The following KALRN variants were observed in gnomAD, a reference collection of about 807,000 sequenced individuals.
The protein encoded by KALRN is kalirin RhoGEF kinase, also known as kalirin.
Under a neutral mutation model 353.7 loss-of-function variants are expected in KALRN, and 70 were observed. The ratio of observed to expected loss-of-function variants is 0.20; its 90% confidence interval spans 0.16 to 0.24. The LOEUF (loss-of-function observed/expected upper bound fraction) is 0.24, where lower values mean the gene tolerates loss of function less well. Ranked by LOEUF, KALRN falls within the 10% of genes least tolerant of loss-of-function variation. The pLI, the probability that KALRN is intolerant of heterozygous loss-of-function variation, is 1.00. For synonymous variants in KALRN, 1,391 were observed against 1,434.8 expected (o/e 0.97, Z 0.69); for missense variants, 2,791 against 3,756.7 (o/e 0.74, Z 6.72).
chr3:124,587,892 A>T (rs1040349007), intron 34 of KALRN, among the ~76,000 whole-genome samples: 1 of 134,716 alleles, frequency 7.4e-6, no homozygotes, highest in Non-Finnish European at 1.7e-5. Flanking sequence ...ACAAGGTCTC[A>T]CTATGTTGCC....
intron 1 of KALRN, among the ~76,000 whole-genome samples, chr3:124,165,844 T>C (rs1459077378): frequency 8.5e-5 from 13 of 152,216 alleles, no homozygotes; most frequent in Non-Finnish European, 5.9e-5. Context: ...AGGCCTCACA[T>C]GATCTCTTTC....
chr3:124,549,366 T>C (rs959458444), intron 33 of KALRN, among the ~76,000 whole-genome samples: 6 of 142,126 alleles, frequency 4.2e-5, no homozygotes, highest in Non-Finnish European at 9.3e-5. Flanking sequence ...CACACACACA[T>C]AATCTCACAC....
intron 14 of KALRN, among the ~76,000 whole-genome samples, chr3:124,416,698 G>T (rs1405999475): frequency 6.6e-6 from 1 of 152,258 alleles, no homozygotes; most frequent in African/African-American, 2.4e-5. Context: ...GATGGGGTAA[G>T]GGGTGAGCCC....
chr3:124,288,381 T>C (rs1177442383), intron 5 of KALRN, among the ~76,000 whole-genome samples: 1 of 152,098 alleles, frequency 6.6e-6, no homozygotes, highest in Non-Finnish European at 1.5e-5. Flanking sequence ...GGGTATTTCA[T>C]GGTGGGGGGA....
chr3:124,683,402 A>G (rs974026982), intron 51 of KALRN, among the ~76,000 whole-genome samples: 5 of 152,072 alleles, frequency 3.3e-5, no homozygotes, highest in Non-Finnish European at 7.4e-5. Context: ...TTGTCTGAGA[A>G]CTGTGTCAAT....
intron 45 of KALRN, 128 bp from the exon 46 acceptor site, chr3:124,666,321 A>G (rs2085613985): frequency 2.4e-6 from 2 of 827,142 alleles, no homozygotes; most frequent in Non-Finnish European, 3.8e-6. Flanking sequence ...GTCTCTTCCT[A>G]GAGCCCTGAG....
chr3:124,064,446 GA>G (rs1381596257), intron 1 of KALRN, among the ~76,000 whole-genome samples: 1 of 152,168 alleles, frequency 6.6e-6, no homozygotes, highest in African/African-American at 2.4e-5. Flanking sequence ...CAGCCTTGAT[GA>G]ATAGAGAAGA....
rs542902399 is a variant in KALRN, at chr3:124,081,977, G to A, written c.73+48164G>A. Among the ~76,000 whole-genome samples, 3 of 152,298 alleles carry A rather than the reference G, an allele frequency of 2.0e-5. No individual in the cohort carries two copies. The East Asian group carries it at 5.8e-4, about 29-fold the overall frequency. ...TAAAAAGAATAGAAATGATAAGCAGGTTAATTTCTAACTTACTTTTATCTA... is the reference window on the plus strand; with the variant it reads ...TAAAAAGAATAGAAATGATAAGCAGATTAATTTCTAACTTACTTTTATCTA... On this transcript the variant is annotated intron_variant, in intron 1 of 59. Coordinates refer to ENST00000682506, the MANE Select transcript of KALRN (RefSeq NM_001388419.1).
At chr3:124,572,740 T>A (rs1472392521) in intron 34 of KALRN, among the ~76,000 whole-genome samples, 1 of 152,250 alleles carries the variant, frequency 6.6e-6, no homozygotes, top group African/African-American at 2.4e-5. Flanking sequence ...TCTGTGGCTT[T>A]ACCTCGGTAT....
chr3:124,239,201 G>T (rs1008666599), intron 3 of KALRN, among the ~76,000 whole-genome samples: 1 of 152,178 alleles, frequency 6.6e-6, no homozygotes, highest in African/African-American at 2.4e-5. Context: ...GAAATTGAAA[G>T]ACAGGATAGA....
chr3:124,120,736 A>ATATATATATATATATATATG (rs1553774505), intron 1 of KALRN, among the ~76,000 whole-genome samples: 39 of 144,346 alleles, frequency 2.7e-4, no homozygotes, highest in African/African-American at 8.7e-4. Flanking sequence ...ATATATATAT[A>ATATATATATATATATATATG]TATATATATT....
At chr3:124,609,004 G>A (rs979471960) in intron 34 of KALRN, among the ~76,000 whole-genome samples, 4 of 152,198 alleles carry the variant, frequency 2.6e-5, no homozygotes, top group African/African-American at 7.2e-5. Context: ...CATTCAGGCA[G>A]CCTGGAACTC....
chr3:124,052,054 A>G (rs2041093747), intron 1 of KALRN, among the ~76,000 whole-genome samples: 1 of 152,234 alleles, frequency 6.6e-6, no homozygotes, highest in Admixed American at 6.5e-5. Context: ...GCCCAGGGGC[A>G]TAGGAACCAA....
rs774800192 is a variant in KALRN at position 124,422,855 on chromosome 3, G to A, written c.2586G>A (p.Gln862=). The change falls in exon 15 of 60, where the codon CAG becomes CAA. Residue 862 remains glutamine, a synonymous_variant. Transcript: ENST00000682506. ...AAAAAGACATTGATCTGGCAGCCCAGGTGCAAGAGTTATTGGAATTTCTCC... is the reference window on the plus strand; with the variant it reads ...AAAAAGACATTGATCTGGCAGCCCAAGTGCAAGAGTTATTGGAATTTCTCC... ...ICEKDIDLAA[Q]VQELLEFLHE... The A allele has an allele frequency of 6.2e-7, 1 of 1,613,934 alleles. No homozygotes were observed. The highest frequency in any genetic ancestry group is 8.5e-7 in the Non-Finnish European group (1 of 1,179,874).
intron 34 of KALRN, among the ~76,000 whole-genome samples, chr3:124,573,509 C>G (rs1343455080): frequency 6.6e-6 from 1 of 151,812 alleles, no homozygotes; most frequent in Non-Finnish European, 1.5e-5. Flanking sequence ...TTTCTTTTTT[C>G]TTTTTTTTAC....
rs1454190613 is a variant in KALRN, at chr3:124,658,433, G to A, written c.6039G>A (p.Glu2013=). The part of the protein sequence containing the change: ...DRLAQLFIKH[E]RKLHIYVWYC... ...CATGTCTCTCTCTGCTCTTTCAGGAGCGGAAGCTGCACATCTACGTGTGGT... is the reference window on the plus strand; with the variant it reads ...CATGTCTCTCTCTGCTCTTTCAGGAACGGAAGCTGCACATCTACGTGTGGT... The change falls in exon 42 of 60, where the codon GAG becomes GAA. Residue 2013 remains glutamate, a splice_region_variant and synonymous_variant. Transcript: ENST00000682506. 1.4e-5 allele frequency: 22 copies of A among 1,612,292 alleles called. No homozygotes were observed. The highest frequency in any genetic ancestry group is 1.9e-5 in the Non-Finnish European group (22 of 1,178,424).
In KALRN at chr3:124,162,025, A is replaced by G. The variant is rs538957883; in HGVS notation, c.74-65965A>G. Among the ~76,000 whole-genome samples the G allele has an allele frequency of 2.4e-4, 37 of 152,350 alleles. No individual in the cohort carries two copies. The South Asian group carries it at 6.0e-3, about 25-fold the overall frequency. ...ATCATCCCAGAAAATGAAGCAGAGAACAATGTTCAATGTAGAACTGCCCAT... is the reference window on the plus strand; with the variant it reads ...ATCATCCCAGAAAATGAAGCAGAGAGCAATGTTCAATGTAGAACTGCCCAT... On this transcript the variant is annotated intron_variant, in intron 1 of 59. Transcript: ENST00000682506.
chr3:124,614,603 C>T (rs1461567431), intron 34 of KALRN, among the ~76,000 whole-genome samples: 4 of 150,104 alleles, frequency 2.7e-5, no homozygotes, highest in Non-Finnish European at 5.9e-5. Flanking sequence ...TGCTGTGTCA[C>T]CATGTCACCC....
At chr3:124,341,751 G>C (rs1327508200) in intron 9 of KALRN, among the ~76,000 whole-genome samples, 1 of 152,218 alleles carries the variant, frequency 6.6e-6, no homozygotes, top group Non-Finnish European at 1.5e-5. Context: ...TTGGAGTCTA[G>C]TGTGAGAGAC....
Sources: allele counts gnomAD v4.1 joint callset (sites outside exome capture counted in the v4.1 genomes callset), GRCh38; gene constraint gnomAD v4.1.1; transcripts MANE v1.5; gene names NCBI Gene and HGNC (gene_info 2026-07-23, HGNC 2026-07-21).